Variants in ADAM12 observed in about 807,000 individuals in gnomAD.
The protein encoded by ADAM12 is disintegrin and metalloproteinase domain-containing protein 12.
In ADAM12, 70 loss-of-function variants were observed where a neutral mutation model predicts 106.4. The observed-to-expected ratio is 0.66, with a 90% CI of 0.54 to 0.80. The LOEUF (loss-of-function observed/expected upper bound fraction) is 0.80, where lower values mean the gene tolerates loss of function less well. Among genes scored for constraint, ADAM12 ranks in the 30% least tolerant of loss-of-function variants. ADAM12 has a pLI of 0.00. For missense variants in ADAM12, 1,010 were observed against 1,171.9 expected, an observed-to-expected ratio of 0.86 and a Z score of 2.02; for synonymous variants, 420 against 433.5, an observed-to-expected ratio of 0.97 and a Z score of 0.39.
chr10:126,333,129 C>A (rs1268054719), intron 1 of ADAM12, among the ~76,000 whole-genome samples: 1 of 152,168 alleles, frequency 6.6e-6, no homozygotes, highest in African/African-American at 2.4e-5. Flanking sequence ...ACTGTCAAAG[C>A]GATCGCGAGC....
chr10:126,027,582 T>C (rs1564995254), intron 21 of ADAM12, among the ~76,000 whole-genome samples: 1 of 152,170 alleles, frequency 6.6e-6, no homozygotes, highest in Non-Finnish European at 1.5e-5. Flanking sequence ...TCAATAAATG[T>C]GATTCATCAC....
intron 3 of ADAM12, among the ~76,000 whole-genome samples, chr10:126,206,463 G>A (rs540026133): frequency 6.6e-6 from 1 of 152,294 alleles, no homozygotes; most frequent in East Asian, 1.9e-4. Context: ...CACTCAAGCA[G>A]GGAATTAAGT....
intron 3 of ADAM12, among the ~76,000 whole-genome samples, chr10:126,214,200 C>T (rs1021487076): frequency 6.6e-6 from 1 of 152,136 alleles, no homozygotes; most frequent in Non-Finnish European, 1.5e-5. Flanking sequence ...GATTGTTGGC[C>T]GTGGTCGTAT....
intron 3 of ADAM12, among the ~76,000 whole-genome samples, chr10:126,213,873 T>C (rs897518354): frequency 1.6e-4 from 24 of 152,202 alleles, no homozygotes; most frequent in Admixed American, 3.9e-4. Flanking sequence ...TGACCTTCCA[T>C]AGACATAGCA....
chr10:126,283,843 G>C (rs998523179), intron 2 of ADAM12, among the ~76,000 whole-genome samples: 1 of 152,108 alleles, frequency 6.6e-6, no homozygotes, highest in Non-Finnish European at 1.5e-5. Flanking sequence ...TAAAGTCTTT[G>C]TGCCTTATTT....
chr10:126,257,151 C>G (rs374850394), intron 3 of ADAM12, among the ~76,000 whole-genome samples: 71 of 152,322 alleles, frequency 4.7e-4, no homozygotes, highest in African/African-American at 1.7e-3. Context: ...TTCCCTTTCA[C>G]TTGACAGCAA....
intron 14 of ADAM12, among the ~76,000 whole-genome samples, chr10:126,061,420 G>A (rs961496422): frequency 2.8e-4 from 42 of 152,184 alleles, no homozygotes; most frequent in Non-Finnish European, 5.9e-4. Flanking sequence ...GCTAGTAAGT[G>A]GTCTGTTCAA....
chr10:126,284,159 C>G (rs2133764983), intron 2 of ADAM12, among the ~76,000 whole-genome samples: 1 of 151,880 alleles, frequency 6.6e-6, no homozygotes, highest in African/African-American at 2.4e-5. Flanking sequence ...ATGGTGAAAC[C>G]CCGTCTCTAC....
chr10:126,152,754 T>C (rs965413270), intron 4 of ADAM12, among the ~76,000 whole-genome samples: 4 of 152,172 alleles, frequency 2.6e-5, no homozygotes, highest in African/African-American at 4.8e-5. Context: ...TATTTACATA[T>C]AATGAGATTA....
chr10:126,068,344 C>T (rs898617178), intron 12 of ADAM12, among the ~76,000 whole-genome samples: 2 of 152,140 alleles, frequency 1.3e-5, no homozygotes, highest in African/African-American at 4.8e-5. Flanking sequence ...GTTAAATCAG[C>T]CATCCTAAAT....
At chr10:126,040,819 G>A (rs1227269793) in intron 18 of ADAM12, among the ~76,000 whole-genome samples, 1 of 151,934 alleles carries the variant, frequency 6.6e-6, no homozygotes, top group Non-Finnish European at 1.5e-5. Flanking sequence ...CATTTACAGG[G>A]CCCCCACACT....
chr10:126,153,120 C>T (rs537469394), intron 4 of ADAM12, among the ~76,000 whole-genome samples: 12 of 152,302 alleles, frequency 7.9e-5, no homozygotes, highest in South Asian at 4.1e-4. Context: ...TCGTTGGAAT[C>T]TGAGGGTAGT....
intron 3 of ADAM12, among the ~76,000 whole-genome samples, chr10:126,224,041 T>C (rs1590642540): frequency 6.6e-6 from 1 of 152,204 alleles, no homozygotes; most frequent in East Asian, 1.9e-4. Flanking sequence ...GTGGAACTCA[T>C]GACCCCCACC....
chr10:126,363,240 C>A (rs986491664), intron 1 of ADAM12, among the ~76,000 whole-genome samples: 3 of 151,872 alleles, frequency 2.0e-5, no homozygotes, highest in African/African-American at 7.3e-5. Flanking sequence ...ATAGCAAAAC[C>A]AATAAGTCTG....
At chr10:126,104,130 A>G (rs1411403951) in intron 8 of ADAM12, among the ~76,000 whole-genome samples, 1 of 152,210 alleles carries the variant, frequency 6.6e-6, no homozygotes, top group Non-Finnish European at 1.5e-5. Flanking sequence ...GAAAACTGTC[A>G]CATGAGTGAA....
chr10:126,306,230 T>C (rs1960839793), intron 2 of ADAM12, among the ~76,000 whole-genome samples: 1 of 152,068 alleles, frequency 6.6e-6, no homozygotes, highest in Non-Finnish European at 1.5e-5. Context: ...GCTTCTTATA[T>C]CTTACTGTCA....
intron 22 of ADAM12, among the ~76,000 whole-genome samples, chr10:126,018,919 T>A (rs958518630): frequency 2.0e-5 from 3 of 152,188 alleles, no homozygotes; most frequent in Non-Finnish European, 4.4e-5. Context: ...TCTCAGGACC[T>A]CAGGAACTGG....
Position 126,211,475 on chromosome 10 carries a change from T to C in ADAM12, c.261-56170A>G, listed in dbSNP as rs561931273. ...AACCATGGGATCCTGGACCTGCCAGTAGCCATCTCTGCCTCCTGGACCACG... is the reference window on the plus strand; with the variant it reads ...AACCATGGGATCCTGGACCTGCCAGCAGCCATCTCTGCCTCCTGGACCACG... On this transcript the variant is annotated intron_variant, in intron 3 of 22. Coordinates refer to ENST00000448723, the MANE Select transcript of ADAM12 (RefSeq NM_001288973.2). Among the ~76,000 whole-genome samples the C allele has an allele frequency of 1.2e-4, 18 of 152,302 alleles. No individual in the cohort carries two copies. The East Asian group carries it at 2.9e-3, about 25-fold the overall frequency.
At chr10:126,042,200 G>A (rs138415786) in intron 18 of ADAM12, 68 of 1,613,630 alleles carry the variant, frequency 4.2e-5, no homozygotes, top group Admixed American at 2.3e-4. Context: ...CCCTGGCCGC[G>A]CTCCCTGTTG....
Sources: gnomAD v4.1 joint callset for allele counts (sites outside exome capture counted in the v4.1 genomes callset) on GRCh38, gnomAD v4.1.1 for gene constraint, MANE v1.5 for transcripts, NCBI Gene and HGNC (gene_info 2026-07-23, HGNC 2026-07-21) for gene names.